GAS2: variants seen among roughly 807,000 people sequenced by gnomAD.
The protein encoded by GAS2 is growth arrest-specific protein 2.
Under a neutral mutation model 37.5 loss-of-function variants are expected in GAS2, and 20 were observed. The ratio of observed to expected loss-of-function variants is 0.53; its 90% CI spans 0.37 to 0.77. GAS2 has a LOEUF of 0.77. Among genes scored for constraint, GAS2 ranks in the 30% least tolerant of loss-of-function variants. The pLI, the probability that GAS2 is intolerant of heterozygous loss-of-function variation, is 0.00. For missense variants in GAS2, 336 were observed against 373.4 expected (o/e 0.90, Z 0.82); for synonymous variants, 144 against 132.2 (o/e 1.09, Z -0.61).
At chr11:22,651,073 T>C (rs1356409633) in intron 1 of GAS2, among the ~76,000 whole-genome samples, 10 of 152,340 alleles carry the variant, frequency 6.6e-5, no homozygotes, top group African/African-American at 2.4e-4. Flanking sequence ...TTCCTTTCCA[T>C]GTTTAGCACT....
At chr11:22,710,811 T>A (rs1851367539) in intron 3 of GAS2, among the ~76,000 whole-genome samples, 1 of 152,142 alleles carries the variant, frequency 6.6e-6, no homozygotes. Flanking sequence ...GAAAAAGAAA[T>A]CACTGTTTTT....
chr11:22,764,192 T>A (rs934496090), intron 7 of GAS2, among the ~76,000 whole-genome samples: 1 of 152,192 alleles, frequency 6.6e-6, no homozygotes, highest in Non-Finnish European at 1.5e-5. Flanking sequence ...TTTAAAAAAA[T>A]TTTAAAAATT....
chr11:22,778,183 C>T (rs1381403601), intron 7 of GAS2, among the ~76,000 whole-genome samples: 1 of 152,118 alleles, frequency 6.6e-6, no homozygotes, highest in Admixed American at 6.5e-5. Context: ...TTCTGCTGTC[C>T]ACTTGCTATA....
At chr11:22,631,058 T>C (rs1858738975) in intron 1 of GAS2, among the ~76,000 whole-genome samples, 1 of 152,176 alleles carries the variant, frequency 6.6e-6, no homozygotes. Flanking sequence ...AGATCTTTCC[T>C]CTTCTTTGTT....
At chr11:22,740,596 A>G (rs1853021720) in intron 5 of GAS2, among the ~76,000 whole-genome samples, 1 of 152,208 alleles carries the variant, frequency 6.6e-6, no homozygotes, top group Non-Finnish European at 1.5e-5. Context: ...CTCTCTGGAT[A>G]CATTTAAAGT....
At chr11:22,678,451 A>AAGT (rs1347361368) in intron 2 of GAS2, among the ~76,000 whole-genome samples, 2 of 152,056 alleles carry the variant, frequency 1.3e-5, no homozygotes, top group African/African-American at 4.8e-5. Context: ...CTTTTTATCT[A>AAGT]CTTGAAAGAG....
intron 7 of GAS2, 67 bp downstream of exon 7, chr11:22,756,020 T>C (rs1012376981): frequency 2.6e-5 from 29 of 1,136,930 alleles, no homozygotes; most frequent in African/African-American, 1.5e-4. Flanking sequence ...AGGGGAAATA[T>C]GACAGATAAG....
chr11:22,742,420 A>G (rs994936943), intron 5 of GAS2, among the ~76,000 whole-genome samples: 1 of 152,164 alleles, frequency 6.6e-6, no homozygotes, highest in Admixed American at 6.5e-5. Flanking sequence ...CAGAAAAAAG[A>G]TCTATTTGAT....
At chr11:22,776,572 A>G (rs1855270794) in intron 7 of GAS2, among the ~76,000 whole-genome samples, 1 of 152,190 alleles carries the variant, frequency 6.6e-6, no homozygotes, top group Non-Finnish European at 1.5e-5. Context: ...CAAGTTGTCA[A>G]TATCATCTAT....
intron 7 of GAS2, among the ~76,000 whole-genome samples, chr11:22,758,651 C>T (rs1056776376): frequency 5.9e-5 from 9 of 152,122 alleles, no homozygotes; most frequent in African/African-American, 1.7e-4. Context: ...CAGTGGTTTA[C>T]GCCTGTAATC....
rs148309444 is a variant in GAS2, at chr11:22,774,422, A to G, written c.723+18469A>G. Among the ~76,000 whole-genome samples, 614 of 152,346 alleles carry G rather than the reference A, an allele frequency of 4.0e-3. 4 individuals carry two copies. The highest frequency in any genetic ancestry group is 0.013 in the African/African-American group (553 of 41,570). The stretch of plus-strand genomic sequence containing the variant: ...TACTACAAATGACTTATCTTCAAAC[A>G]TGATCTCTTTCTGATTTTCTTAAAG... On this transcript the variant is annotated intron_variant, in intron 7 of 7. Coordinates refer to ENST00000454584, the MANE Select transcript of GAS2 (RefSeq NM_001143830.3).
chr11:22,749,376 G>A lies in GAS2; in HGVS notation c.615+115G>A. On this transcript the variant is annotated intron_variant, in intron 6 of 7. Coordinates refer to ENST00000454584, the MANE Select transcript of GAS2 (RefSeq NM_001143830.3). ...TTACCTATATCAATTTTCTTGAAAT[G>A]TATTTTAAGCCCATATGAAAAACTT... is the stretch of plus-strand genomic sequence containing the variant. 6.3e-6 allele frequency: 6 copies of A among 957,688 alleles called. 1 individual carries two copies. The highest frequency in any genetic ancestry group is 7.5e-6 in the Non-Finnish European group (5 of 669,896). The allele number at this position is 957,688 out of a possible 1,614,324, so 59.3% of individuals were successfully genotyped here.
intron 1 of GAS2, among the ~76,000 whole-genome samples, chr11:22,631,082 G>A (rs1392220827): frequency 6.6e-6 from 1 of 152,008 alleles, no homozygotes; most frequent in Non-Finnish European, 1.5e-5. Flanking sequence ...TAAATTCCTA[G>A]GTGATTTATT....
At chr11:22,717,084 A>G (rs771470534) in intron 3 of GAS2, among the ~76,000 whole-genome samples, 1 of 152,148 alleles carries the variant, frequency 6.6e-6, no homozygotes, top group Non-Finnish European at 1.5e-5. Context: ...AAAGCAATCT[A>G]CAAATTCAAT....
intron 1 of GAS2, among the ~76,000 whole-genome samples, chr11:22,673,135 C>T (rs1849272729): frequency 6.6e-6 from 1 of 151,848 alleles, no homozygotes; most frequent in Admixed American, 6.6e-5. Flanking sequence ...TTTATGATAC[C>T]TTTTAGGTAC....
chr11:22,679,620 A>G (rs932636826), intron 2 of GAS2, among the ~76,000 whole-genome samples: 1 of 152,042 alleles, frequency 6.6e-6, no homozygotes, highest in South Asian at 2.1e-4. Flanking sequence ...GCGTTCTCAA[A>G]TTGTCTATTT....
At chr11:22,693,159 T>C (rs1197965220) in intron 3 of GAS2, among the ~76,000 whole-genome samples, 1 of 152,196 alleles carries the variant, frequency 6.6e-6, no homozygotes, top group South Asian at 2.1e-4. Flanking sequence ...GAAATATCCA[T>C]GGTCCCTGTA....
intron 1 of GAS2, among the ~76,000 whole-genome samples, chr11:22,636,749 A>G (rs1349124789): frequency 6.6e-6 from 1 of 151,738 alleles, no homozygotes; most frequent in African/African-American, 2.4e-5. Context: ...TAAGTTAGCC[A>G]TAAGAGAACG....
intron 5 of GAS2, among the ~76,000 whole-genome samples, chr11:22,747,294 A>C (rs1361608935): frequency 6.6e-6 from 1 of 152,168 alleles, no homozygotes; most frequent in Non-Finnish European, 1.5e-5. Context: ...GGAGACAGAC[A>C]GTGATCTCTA....
Sources: allele counts gnomAD v4.1 joint callset (sites outside exome capture counted in the v4.1 genomes callset), GRCh38; gene constraint gnomAD v4.1.1; transcripts MANE v1.5; gene names NCBI Gene and HGNC (gene_info 2026-07-23, HGNC 2026-07-21).